The following ANKAR variants were observed in gnomAD, a reference collection of about 807,000 sequenced individuals.
ANKAR encodes ankyrin and armadillo repeat-containing protein.
In ANKAR, 136 loss-of-function variants were observed where a neutral mutation model predicts 146.2. That is an observed-to-expected ratio of 0.93 (90% CI 0.81 to 1.07). The LOEUF (loss-of-function observed/expected upper bound fraction) is 1.07, where lower values mean the gene tolerates loss of function less well. Ranked by LOEUF, ANKAR falls within the 50% of genes least tolerant of loss-of-function variation. The pLI, the probability that ANKAR is intolerant of heterozygous loss-of-function variation, is 0.00. For synonymous variants in ANKAR, 500 were observed against 575.8 expected (o/e 0.87, Z 1.88); for missense variants, 1,567 against 1,679.9 (o/e 0.93, Z 1.18).
At chr2:189,745,027 C>CTACTACTACTAATAATAATAA (rs376824673) in intron 22 of ANKAR, among the ~76,000 whole-genome samples, 15,899 of 130,722 alleles carry the variant, frequency 0.12, 1,274 homozygotes, top group East Asian at 0.2. Context: ...ACTACTACTA[C>CTACTACTACTAATAATAATAA]TAATAATACA....
In ANKAR at chr2:189,691,488, G is replaced by A. The variant is rs141959030; in HGVS notation, c.1040-767G>A. Among the ~76,000 whole-genome samples the A allele has an allele frequency of 3.3e-3, 496 of 152,038 alleles. 2 individuals carry two copies. Among genetic ancestry groups the A allele is most frequent in the African/African-American group, 0.011 (460 of 41,506 alleles). ...GTCTCCTTTTACCTAAACTAGCTGAGATAAGTTTTTGTATATTAAACAAAG... is the reference window on the plus strand; with the variant it reads ...GTCTCCTTTTACCTAAACTAGCTGAAATAAGTTTTTGTATATTAAACAAAG... On this transcript the variant is annotated intron_variant, in intron 3 of 22. Coordinates refer to ENST00000684021, the MANE Select transcript of ANKAR (RefSeq NM_001378068.1).
Position 189,706,940 on chromosome 2 carries a change from A to G in ANKAR, c.1913A>G (p.Asn638Ser). Residue 638 changes from asparagine (N) to serine (S), a missense_variant and splice_region_variant, in exon 9 of 23, where the codon AAT becomes AGT. By Grantham distance (46) the Asn-to-Ser change is conservative. Coordinates refer to ENST00000684021, the MANE Select transcript of ANKAR (RefSeq NM_001378068.1). ...TTGTTATGTTTCTTAATTTTTAGGA[A>G]TCAGTGCACTCCACTGTTACTTGCT... ...SLLEAEATAENQCTPLLLAAT... is the reference protein window; with the variant it reads ...SLLEAEATAESQCTPLLLAAT... 1.2e-6 allele frequency: 2 copies of G among 1,600,018 alleles called. No individual in the cohort carries two copies. The highest frequency in any genetic ancestry group is 1.7e-6 in the Non-Finnish European group (2 of 1,175,660).
chr2:189,758,552 T>G (rs2046443418), intron 18 of ANKAR, among the ~76,000 whole-genome samples: 1 of 152,180 alleles, frequency 6.6e-6, no homozygotes, highest in Non-Finnish European at 1.5e-5. Context: ...CACGAACCAA[T>G]TAAACCTCTT....
Position 189,738,635 on chromosome 2 carries a change from T to C in ANKAR, c.3653T>C (p.Leu1218Ser). ...TTGTCTGCAAGAGGTGTTACTATTT[T>C]AGTTGATAGTCTGTATTCAGTTCAG... is the stretch of plus-strand genomic sequence containing the variant. ...ITLSARGVTI[L>S]VDSLYSVQTS... Residue 1218 changes from leucine (L) to serine (S), a missense_variant, in exon 19 of 23, where the codon TTA becomes TCA. Physicochemically the swap from Leu to Ser is moderately radical, Grantham distance 145. Transcript: ENST00000684021. 1 of 1,612,632 alleles carries C rather than the reference T, an allele frequency of 6.2e-7. No individual in the cohort carries two copies. Among genetic ancestry groups the C allele is most frequent in the Non-Finnish European group, 8.5e-7 (1 of 1,179,082 alleles).
At chr2:189,700,953 T>C (rs902978555) in intron 7 of ANKAR, among the ~76,000 whole-genome samples, 2 of 152,250 alleles carry the variant, frequency 1.3e-5, no homozygotes, top group Non-Finnish European at 2.9e-5. Context: ...GATGGACACT[T>C]AGGTTGCTTC....
At chr2:189,721,659 T>A (rs2041252076) in intron 12 of ANKAR, among the ~76,000 whole-genome samples, 1 of 152,172 alleles carries the variant, frequency 6.6e-6, no homozygotes, top group Non-Finnish European at 1.5e-5. Context: ...GTCTCCTGGG[T>A]TCTGTAAGAA....
intron 17 of ANKAR, among the ~76,000 whole-genome samples, chr2:189,733,454 T>C (rs1457206372): frequency 1.3e-5 from 2 of 152,180 alleles, no homozygotes; most frequent in Non-Finnish European, 2.9e-5. Context: ...TTTTAATGTT[T>C]GGTGATGAGT....
At chr2:189,715,760 C>T (rs564615010) in intron 10 of ANKAR, among the ~76,000 whole-genome samples, 492 of 152,276 alleles carry the variant, frequency 3.2e-3, no homozygotes, top group Non-Finnish European at 5.7e-3. Flanking sequence ...CGGTTTCATC[C>T]CTGGGATGCA....
intron 21 of ANKAR, among the ~76,000 whole-genome samples, chr2:189,743,824 A>T (rs779829515): frequency 6.6e-6 from 1 of 152,156 alleles, no homozygotes; most frequent in Non-Finnish European, 1.5e-5. Flanking sequence ...CAAGACCACC[A>T]CCTGACCTTA....
chr2:189,719,987 G>A (rs2041042512), intron 11 of ANKAR, among the ~76,000 whole-genome samples, 174 bp downstream of exon 11: 1 of 152,146 alleles, frequency 6.6e-6, no homozygotes, highest in Admixed American at 6.6e-5. Flanking sequence ...TGGCATTTGA[G>A]TACGGTCCAG....
At chr2:189,684,843 A>G (rs892900722) in intron 2 of ANKAR, among the ~76,000 whole-genome samples, 4 of 151,870 alleles carry the variant, frequency 2.6e-5, no homozygotes, top group African/African-American at 7.3e-5. Context: ...AAAAAAAAAA[A>G]AAAAATAGAG....
chr2:189,721,149 G>A (rs553764182), intron 12 of ANKAR, among the ~76,000 whole-genome samples: 9 of 151,956 alleles, frequency 5.9e-5, no homozygotes, highest in East Asian at 5.8e-4. Flanking sequence ...CACCACGTCC[G>A]GCTAATTTTT....
chr2:189,681,463 G>T (rs2034654345), intron 2 of ANKAR, among the ~76,000 whole-genome samples: 1 of 152,190 alleles, frequency 6.6e-6, no homozygotes, highest in South Asian at 2.1e-4. Context: ...GGATTCCCTT[G>T]CAATGGTGCA....
At chr2:189,684,620 C>T (rs560325065) in intron 2 of ANKAR, among the ~76,000 whole-genome samples, 9 of 151,798 alleles carry the variant, frequency 5.9e-5, no homozygotes, top group Non-Finnish European at 1.0e-4. Flanking sequence ...TTGAGGAGGC[C>T]GAGGTAGGTG....
At chr2:189,708,628 G>C (rs1222099954) in intron 9 of ANKAR, among the ~76,000 whole-genome samples, 1 of 152,184 alleles carries the variant, frequency 6.6e-6, no homozygotes, top group Non-Finnish European at 1.5e-5. Context: ...AGTTAAGCTA[G>C]GCTAAGCTAT....
intron 7 of ANKAR, among the ~76,000 whole-genome samples, chr2:189,704,142 T>C (rs974751426): frequency 9.2e-5 from 4 of 43,626 alleles, no homozygotes; most frequent in Non-Finnish European, 1.6e-4. Context: ...CTCTCATTAT[T>C]GGGAATTTTT....
rs765841509 is a variant in ANKAR, at chr2:189,696,209, AT to A, written c.1551del (p.Phe517LeufsTer67). On this transcript the variant is annotated frameshift_variant, in exon 7 of 23. Coordinates refer to ENST00000684021, the MANE Select transcript of ANKAR (RefSeq NM_001378068.1). LOFTEE classifies it high-confidence loss of function. ...ERGLSAVFHT[F>X]SRKTSSSTIN... ...GAGGGTTGTCTGCAGTTTTCCACAC[AT>A]TTAGCCGTAAAACCTCAAGCTCAAC... The A allele has an allele frequency of 1.2e-5, 19 of 1,614,056 alleles. No individual in the cohort carries two copies. In the South Asian group the frequency reaches 2.1e-4, roughly 18 times the overall value.
In ANKAR at chr2:189,727,889, CT is replaced by C. The variant is rs2042043862; in HGVS notation, c.2670del (p.Glu891ArgfsTer13). On this transcript the variant is annotated frameshift_variant, in exon 13 of 23. Transcript: ENST00000684021. LOFTEE classifies it high-confidence loss of function. ...VLKAVSSAAI[A>X]EVGRDNKEIQ... Reference sequence around the variant, plus strand: ...AAGGCTGTATCTTCTGCTGCAATTGCTGAGGTTGGGCGTGACAATAAGGAAA... The same window carrying C: ...AAGGCTGTATCTTCTGCTGCAATTGCGAGGTTGGGCGTGACAATAAGGAAA... The C allele has an allele frequency of 2.5e-6, 4 of 1,613,908 alleles. No homozygotes were observed. Among genetic ancestry groups the C allele is most frequent in the Middle Eastern group, 3.3e-4 (2 of 6,060 alleles).
In ANKAR at chr2:189,743,280, T is replaced by C. The variant is rs2043631035; in HGVS notation, c.3816T>C (p.Arg1272=). The change falls in exon 21 of 23, where the codon CGT becomes CGC. Residue 1272 remains arginine, a synonymous_variant. Transcript: ENST00000684021. The part of the protein sequence containing the change: ...YHLYSGIEEV[R]AACSSALGYL... The stretch of plus-strand genomic sequence containing the variant: ...AGAATTGTTTCTTCATTTAGGTTCG[T>C]GCAGCTTGTTCCTCTGCTCTTGGCT... 1 of 1,613,300 alleles carries C rather than the reference T, an allele frequency of 6.2e-7. No homozygotes were observed. The highest frequency in any genetic ancestry group is 8.5e-7 in the Non-Finnish European group (1 of 1,179,462).
Sources: allele counts gnomAD v4.1 joint callset (sites outside exome capture counted in the v4.1 genomes callset), GRCh38; gene constraint gnomAD v4.1.1; transcripts MANE v1.5; gene names NCBI Gene and HGNC (gene_info 2026-07-23, HGNC 2026-07-21).